Variants in EEF2 observed in about 807,000 individuals in gnomAD.
The protein encoded by EEF2 is elongation factor 2.
A neutral mutation model predicts 85.3 loss-of-function variants in EEF2; 21 were observed. The ratio of observed to expected loss-of-function variants is 0.25; its 90% CI spans 0.17 to 0.35. EEF2 has a LOEUF of 0.35. Ranked by LOEUF, EEF2 falls within the 10% of genes least tolerant of loss-of-function variation. The pLI, the probability that EEF2 is intolerant of heterozygous loss-of-function variation, is 1.00. For missense variants in EEF2, 825 were observed against 1,225.3 expected, an observed-to-expected ratio of 0.67 and a Z score of 4.88; for synonymous variants, 723 against 508.8, an observed-to-expected ratio of 1.42 and a Z score of -5.67.
At position 3,978,137 on chromosome 19, in the gene EEF2, G is replaced by A; in HGVS notation, c.1749C>T (p.Val583=). ...GGCAGAGCACGTTCGACTCTTCACT[G>A]ACCGTCTCGCGGTACGAGACGACCG... ...SDPVVSYRET[V]SEESNVLCLS... is the part of the protein sequence containing the mutation. The change falls in exon 12 of 15, where the codon GTC becomes GTT. Residue 583 remains valine, a synonymous_variant. Coordinates refer to ENST00000309311, the MANE Select transcript of EEF2 (RefSeq NM_001961.4). The A allele has an allele frequency of 1.4e-6, 2 of 1,474,988 alleles. No homozygotes were observed. The highest frequency in any genetic ancestry group is 1.8e-6 in the Non-Finnish European group (2 of 1,105,230). The allele number at this position is 1,474,988 out of a possible 1,614,324, so 91.4% of individuals were successfully genotyped here. A position where few individuals can be genotyped will look rare whatever the true frequency, so the allele number is the denominator to read the frequency against.
At position 3,977,805 on chromosome 19, in the gene EEF2, G is replaced by A. The variant is rs770914707; in HGVS notation, c.2067+14C>T. ...GAAACGGGTGTGGTCTGCACATGCT[G>A]AGCCGTGCCTCACCTCCTTGGTGGC... On this transcript the variant is annotated intron_variant, in intron 12 of 14. Transcript: ENST00000309311. The surrounding 1 kb of genome is among the most constrained non-coding windows in gnomAD (Gnocchi z 5.4). 5 of 1,568,808 alleles carry A rather than the reference G, an allele frequency of 3.2e-6. No homozygotes were observed. Among genetic ancestry groups the A allele is most frequent in the Admixed American group, 1.7e-5 (1 of 57,450 alleles).
At position 3,976,427 on chromosome 19, in the gene EEF2, C is replaced by A; in HGVS notation, c.*127G>T. The A allele has an allele frequency of 9.4e-7, 1 of 1,059,628 alleles. No homozygotes were observed. The highest frequency in any genetic ancestry group is 1.3e-6 in the Non-Finnish European group (1 of 745,142). 65.6% of individuals were successfully genotyped at this position (1,059,628 alleles called of 1,614,324 possible). ...TGGTTGAGTGATGGCACGCAGCGGG[C>A]CCCAGAAACCTCTCAGGGGAGCGTC... On this transcript the variant is annotated 3_prime_UTR_variant, in exon 15 of 15. Coordinates refer to ENST00000309311, the MANE Select transcript of EEF2 (RefSeq NM_001961.4).
In EEF2 at chr19:3,977,571, C is replaced by T. The variant is rs1289381171; in HGVS notation, c.2107G>A (p.Asp703Asn). 5 of 1,565,504 alleles carry T rather than the reference C, an allele frequency of 3.2e-6. No homozygotes were observed. Among genetic ancestry groups the T allele is most frequent in the Non-Finnish European group, 4.3e-6 (5 of 1,161,976 alleles). Residue 703 changes from aspartate to asparagine, a missense_variant, in exon 13 of 15, where the codon GAC (aspartate) becomes AAC (asparagine). Asp to Asn is a conservative substitution (Grantham distance 23). Coordinates refer to ENST00000309311, the MANE Select transcript of EEF2 (RefSeq NM_001961.4). The surrounding 1 kb of genome is among the most constrained non-coding windows in gnomAD (Gnocchi z 5.4). ...CEENMRGVRFDVHDVTLHADA... is the reference protein window; with the variant it reads ...CEENMRGVRFNVHDVTLHADA... Reference sequence around the variant, plus strand: ...GCGTGCAGGGTGACGTCGTGGACGTCGAAGCGCACACCCCGCATGTTCTCC... The same window carrying T: ...GCGTGCAGGGTGACGTCGTGGACGTTGAAGCGCACACCCCGCATGTTCTCC...
Position 3,977,186 on chromosome 19 carries a change from T to G in EEF2, c.2383+29A>C, listed in dbSNP as rs978729255. On this transcript the variant is annotated intron_variant, in intron 14 of 14. Coordinates refer to ENST00000309311, the MANE Select transcript of EEF2 (RefSeq NM_001961.4). The surrounding 1 kb of genome is among the most constrained non-coding windows in gnomAD (Gnocchi z 5.4). ...TGTCCCCCAAACCAGCCTGCCAGGC[T>G]CTGCAGGCCACACCGGGCAGGCACT... 6.2e-6 allele frequency: 10 copies of G among 1,605,488 alleles called. No individual in the cohort carries two copies. The highest frequency in any genetic ancestry group is 7.7e-6 in the Non-Finnish European group (9 of 1,174,562).
chr19:3,979,768 C>A (rs1400833194), intron 10 of EEF2, 40 bp downstream of exon 10: 2 of 1,596,532 alleles, frequency 1.3e-6, no homozygotes, highest in South Asian at 1.1e-5. Context: ...GCCGTCCCCC[C>A]TCAGGGTGTC....
In EEF2 at chr19:3,981,584, C is replaced by T; in HGVS notation, c.898-132G>A. The T allele has an allele frequency of 1.4e-5, 12 of 852,038 alleles. 1 individual carries two copies. In the South Asian group the frequency reaches 1.7e-4, roughly 12 times the overall value. 52.8% of individuals were successfully genotyped at this position (852,038 alleles called of 1,614,324 possible). On this transcript the variant is annotated intron_variant, in intron 6 of 14. Transcript: ENST00000309311. Reference sequence around the variant, plus strand: ...CGGGAGCAGGAGCAGGCCTGGCCTGCCTACCACGGGCCCAGCCAGCTGAGC... The same window carrying T: ...CGGGAGCAGGAGCAGGCCTGGCCTGTCTACCACGGGCCCAGCCAGCTGAGC...
At chr19:3,983,825 G>A in intron 2 of EEF2, 1 of 442,166 alleles carries the variant, frequency 2.3e-6, no homozygotes, top group Non-Finnish European at 4.2e-6. Flanking sequence ...CCAAGCACTA[G>A]AACACCCTCC....
Position 3,980,501 on chromosome 19 carries a change from C to T in EEF2, c.1346+13G>A, listed in dbSNP as rs2039732022. 1.2e-6 allele frequency: 2 copies of T among 1,607,472 alleles called. No homozygotes were observed. Among genetic ancestry groups the T allele is most frequent in the African/African-American group, 2.7e-5 (2 of 74,814 alleles). On this transcript the variant is annotated intron_variant, in intron 9 of 14. Transcript: ENST00000309311. ...ACAGTGCCAAGGGGCCTGCACATCA[C>T]CCAGCTGCTCACCTCTGGATTGGCT...
At position 3,980,826 on chromosome 19, in the gene EEF2, A is replaced by T. The variant is rs36525; in HGVS notation, c.1150+15T>A. The T allele has an allele frequency of 4.5e-6, 7 of 1,571,824 alleles. No individual in the cohort carries two copies. The highest frequency in any genetic ancestry group is 1.7e-4 in the Middle Eastern group (1 of 6,010). ...TCCGGCTGCATCTCAGGGCCCGGCC[A>T]CCGGGACCACGTACCCATGGCAGCC... On this transcript the variant is annotated intron_variant, in intron 8 of 14. Transcript: ENST00000309311.
intron 1 of EEF2, chr19:3,985,107 A>C (rs1187689819): frequency 2.3e-5 from 9 of 389,638 alleles, no homozygotes; most frequent in Admixed American, 4.5e-5. Context: ...CGCCTGCCAC[A>C]TCATCATTCC....
At chr19:3,978,875 A>T (rs1409424453) in intron 11 of EEF2, among the ~76,000 whole-genome samples, 4 of 146,350 alleles carry the variant, frequency 2.7e-5, no homozygotes, top group African/African-American at 7.6e-5. Flanking sequence ...TAATCCCAGC[A>T]CTTTGGGAGG....
At chr19:3,981,123 G>T (rs1260136320) in intron 7 of EEF2, 144 bp from the exon 8 acceptor site, 8 of 1,358,210 alleles carry the variant, frequency 5.9e-6, no homozygotes, top group Non-Finnish European at 7.9e-6. Context: ...AGGCGGCAAA[G>T]GCCATGCACA....
At chr19:3,982,779 C>A in intron 4 of EEF2, 28 bp downstream of exon 4, 1 of 1,594,392 alleles carries the variant, frequency 6.3e-7, no homozygotes, top group Non-Finnish European at 8.5e-7. Context: ...CTGCGGCAAG[C>A]CCACCACCCA....
chr19:3,979,273 G>C (rs368049916), intron 11 of EEF2, 56 bp downstream of exon 11: 55 of 1,417,034 alleles, frequency 3.9e-5, no homozygotes, highest in Non-Finnish European at 5.3e-5. Context: ...CAGCTTTAAA[G>C]CAGAGGGCAG....
intron 8 of EEF2, 46 bp from the exon 9 acceptor site, chr19:3,980,755 G>C: frequency 1.2e-6 from 2 of 1,602,278 alleles, no homozygotes; most frequent in African/African-American, 1.3e-5. Context: ...GTGCAGCTCA[G>C]CCTTCTGGAA....
In EEF2 at chr19:3,978,004, GCTC is replaced by G; in HGVS notation, c.1879_1881del (p.Glu627del). On this transcript the variant is annotated inframe_deletion, in exon 12 of 15. Coordinates refer to ENST00000309311, the MANE Select transcript of EEF2 (RefSeq NM_001961.4). ...GCCAGGTAGCGCGCCCGCTGCTTGA[GCTC>G]CTGACGGGCGGACACCTCGCCTTTA... 6.2e-7 allele frequency: 1 copy of G among 1,612,012 alleles called. No homozygotes were observed. The highest frequency in any genetic ancestry group is 8.5e-7 in the Non-Finnish European group (1 of 1,179,006).
intron 7 of EEF2, 109 bp downstream of exon 7, chr19:3,981,230 A>G (rs1276575160): frequency 1.2e-5 from 14 of 1,165,794 alleles, no homozygotes; most frequent in Non-Finnish European, 1.5e-5. Flanking sequence ...AAGGGGCAGC[A>G]GCTGTCCCTG....
Position 3,985,375 on chromosome 19 carries a change from C to A in EEF2, c.3+3G>T. 1 of 1,512,562 alleles carries A rather than the reference C, an allele frequency of 6.6e-7. No individual in the cohort carries two copies. Among genetic ancestry groups the A allele is most frequent in the Non-Finnish European group, 8.9e-7 (1 of 1,126,826 alleles). 93.7% of individuals were successfully genotyped at this position (1,512,562 alleles called of 1,614,324 possible). On this transcript the variant is annotated splice_donor_region_variant and intron_variant, in intron 1 of 14. Coordinates refer to ENST00000309311, the MANE Select transcript of EEF2 (RefSeq NM_001961.4). ...GGGGCACCAGCGAGGCAGGGTTACT[C>A]ACCATGGTGGCGGATGGCGGTGGAT...
At chr19:3,981,779 T>A (rs1192111500) in intron 6 of EEF2, among the ~76,000 whole-genome samples, 168 bp downstream of exon 6, 1 of 152,202 alleles carries the variant, frequency 6.6e-6, no homozygotes, top group Non-Finnish European at 1.5e-5. Context: ...GTCCAGATCT[T>A]AAGAGAGGAG....
Sources: allele counts gnomAD v4.1 joint callset (sites outside exome capture counted in the v4.1 genomes callset), GRCh38; gene constraint gnomAD v4.1.1; non-coding constraint Gnocchi (gnomAD v3.1); transcripts MANE v1.5; gene names NCBI Gene and HGNC (gene_info 2026-07-23, HGNC 2026-07-21).